Variants in TAFA2 observed in about 807,000 individuals in gnomAD.
TAFA2 encodes TAFA chemokine like family member 2.
TAFA2 carries 7 observed loss-of-function variants against 18.8 expected under a neutral mutation model. That is an observed-to-expected ratio of 0.37 (90% CI 0.21 to 0.70). The LOEUF (loss-of-function observed/expected upper bound fraction) is 0.70, where lower values mean the gene tolerates loss of function less well. TAFA2 is among the 30% of genes least tolerant of loss of function. The pLI is 0.53. For synonymous variants in TAFA2, 60 were observed against 54.2 expected (o/e 1.11, Z -0.47); for missense variants, 122 against 158.1 (o/e 0.77, Z 1.23).
chr12:61,913,881 A>G (rs1445633148), intron 1 of TAFA2, among the ~76,000 whole-genome samples: 1 of 152,212 alleles, frequency 6.6e-6, no homozygotes, highest in African/African-American at 2.4e-5. Context: ...ACAGATCACA[A>G]CACTTGAGTT....
chr12:62,184,085 T>C (rs940951021), intron 1 of TAFA2, among the ~76,000 whole-genome samples: 1 of 152,198 alleles, frequency 6.6e-6, no homozygotes, highest in African/African-American at 2.4e-5. Flanking sequence ...ATCATTATCA[T>C]CATCTTCATC....
intron 1 of TAFA2, among the ~76,000 whole-genome samples, chr12:62,248,592 A>C (rs888309052): frequency 2.8e-4 from 43 of 152,180 alleles, no homozygotes; most frequent in African/African-American, 9.9e-4. Context: ...TGTACAGTAA[A>C]TTATTGTTGA....
intron 1 of TAFA2, chr12:62,235,242 G>A (rs1481414970): frequency 3.0e-6 from 2 of 660,894 alleles, no homozygotes; most frequent in Non-Finnish European, 5.6e-6. Flanking sequence ...CTCAGGCAGT[G>A]GCATACTGAA....
intron 4 of TAFA2, among the ~76,000 whole-genome samples, chr12:61,731,321 T>C (rs1870438714): frequency 6.6e-6 from 1 of 152,128 alleles, no homozygotes; most frequent in Non-Finnish European, 1.5e-5. Flanking sequence ...CTTTTGTTTT[T>C]TCTGGTACGT....
intron 2 of TAFA2, among the ~76,000 whole-genome samples, chr12:61,761,423 A>G (rs555361736): frequency 6.6e-6 from 1 of 152,212 alleles, no homozygotes; most frequent in African/African-American, 2.4e-5. Context: ...ATGGGTTCAC[A>G]GTAGAATAAT....
intron 1 of TAFA2, among the ~76,000 whole-genome samples, chr12:62,036,426 C>T (rs977528963): frequency 6.6e-6 from 1 of 152,162 alleles, no homozygotes; most frequent in Non-Finnish European, 1.5e-5. Context: ...GTTGGTAGGT[C>T]AGCCGTTCCC....
intron 4 of TAFA2, among the ~76,000 whole-genome samples, chr12:61,751,509 T>C (rs184608411): frequency 1.2e-3 from 176 of 152,020 alleles, no homozygotes; most frequent in Non-Finnish European, 1.8e-3. Flanking sequence ...AAAATGGGAG[T>C]GACAGACTCT....
upstream of TAFA2, among the ~76,000 whole-genome samples, chr12:62,195,391 G>C (rs2062644861): frequency 6.6e-6 from 1 of 152,164 alleles, no homozygotes; most frequent in South Asian, 2.1e-4. Context: ...CTAGAATGGT[G>C]AATGATCTCC....
chr12:61,840,043 T>G (rs1042010975), intron 2 of TAFA2, among the ~76,000 whole-genome samples: 1 of 151,960 alleles, frequency 6.6e-6, no homozygotes, highest in African/African-American at 2.4e-5. Flanking sequence ...GAGCTCAGCT[T>G]CTCAGGATGT....
chr12:61,721,983 C>A (rs999626859), intron 4 of TAFA2, among the ~76,000 whole-genome samples: 1 of 151,992 alleles, frequency 6.6e-6, no homozygotes, highest in Non-Finnish European at 1.5e-5. Context: ...TATTTATACT[C>A]CCTTTTCCAA....
At chr12:61,750,730 T>A (rs143296617) in intron 4 of TAFA2, among the ~76,000 whole-genome samples, 2 of 152,252 alleles carry the variant, frequency 1.3e-5, no homozygotes, top group African/African-American at 4.8e-5. Context: ...GCACTCCAGA[T>A]TGGCTATGGG....
At position 61,808,406 on chromosome 12, in the gene TAFA2, T is replaced by C. The variant is rs1183774461; in HGVS notation, c.107-53382A>G. The stretch of plus-strand genomic sequence containing the variant: ...TGTAAATTTCCCAGTCTCGGGTATG[T>C]CTTTATCAGCAGCATGAAAATGGAC... On this transcript the variant is annotated intron_variant, in intron 2 of 4. Coordinates refer to ENST00000416284, the MANE Select transcript of TAFA2 (RefSeq NM_178539.5). 2.0e-5 allele frequency among the ~76,000 whole-genome samples: 3 copies of C among 151,506 alleles called. 1 individual carries two copies. The highest frequency in any genetic ancestry group is 7.4e-5 in the African/African-American group (3 of 40,758).
chr12:62,150,482 A>G (rs912076373), intron 1 of TAFA2, among the ~76,000 whole-genome samples: 1 of 152,114 alleles, frequency 6.6e-6, no homozygotes, highest in Non-Finnish European at 1.5e-5. Flanking sequence ...CCCTCTTCCA[A>G]CCCATCCTAC....
chr12:61,872,639 T>G (rs1036084414), intron 1 of TAFA2, among the ~76,000 whole-genome samples: 22 of 152,128 alleles, frequency 1.4e-4, no homozygotes, highest in Non-Finnish European at 1.5e-5. Flanking sequence ...CCACTCTGAC[T>G]TCATTTCACA....
chr12:61,962,020 C>T (rs1039793723), intron 1 of TAFA2, among the ~76,000 whole-genome samples: 3 of 151,940 alleles, frequency 2.0e-5, no homozygotes, highest in Non-Finnish European at 2.9e-5. Context: ...ATTTGAACTT[C>T]GCTTATAGTA....
intron 4 of TAFA2, among the ~76,000 whole-genome samples, chr12:61,724,604 T>A (rs560731224): frequency 2.0e-5 from 3 of 152,216 alleles, no homozygotes; most frequent in Admixed American, 2.0e-4. Context: ...TCTGCACAGC[T>A]TAGCTTTCAC....
At chr12:62,173,417 G>GA (rs923739804) in intron 1 of TAFA2, among the ~76,000 whole-genome samples, 26 of 149,942 alleles carry the variant, frequency 1.7e-4, no homozygotes, top group African/African-American at 3.2e-4. Flanking sequence ...ATCTCAAAAA[G>GA]AAAAAAAAAT....
At chr12:61,872,678 A>C (rs1874667087) in intron 1 of TAFA2, among the ~76,000 whole-genome samples, 1 of 152,058 alleles carries the variant, frequency 6.6e-6, no homozygotes, top group African/African-American at 2.4e-5. Context: ...CCTACGCTTC[A>C]AGCACACTGG....
At chr12:62,158,860 A>T (rs2062388444) in intron 1 of TAFA2, among the ~76,000 whole-genome samples, 1 of 152,170 alleles carries the variant, frequency 6.6e-6, no homozygotes, top group Non-Finnish European at 1.5e-5. Flanking sequence ...AAGTCTAAAG[A>T]CCCAGCACAA....
Sources: gnomAD v4.1 joint callset for allele counts (sites outside exome capture counted in the v4.1 genomes callset) on GRCh38, gnomAD v4.1.1 for gene constraint, MANE v1.5 for transcripts, NCBI Gene and HGNC (gene_info 2026-07-23, HGNC 2026-07-21) for gene names.